TNFSF11: variants seen among roughly 807,000 people sequenced by gnomAD.
The protein encoded by TNFSF11 is tumor necrosis factor ligand superfamily member 11.
A neutral mutation model predicts 32.2 loss-of-function variants in TNFSF11; 12 were observed. That is an observed-to-expected ratio of 0.37 (90% CI 0.24 to 0.60). The LOEUF (loss-of-function observed/expected upper bound fraction) is 0.60. TNFSF11 is among the 20% of genes least tolerant of loss of function. The pLI, the probability that TNFSF11 is intolerant of heterozygous loss-of-function variation, is 0.66. For synonymous variants in TNFSF11, 172 were observed against 152.1 expected (o/e 1.13, Z -0.96); for missense variants, 345 against 398.0 (o/e 0.87, Z 1.13).
At chr13:42,603,320 G>C (rs188390586) in intron 4 of TNFSF11, among the ~76,000 whole-genome samples, 1 of 152,120 alleles carries the variant, frequency 6.6e-6, no homozygotes, top group Non-Finnish European at 1.5e-5. Flanking sequence ...CCTCTTCTGC[G>C]GTACTTAGCA....
intron 1 of TNFSF11, among the ~76,000 whole-genome samples, chr13:42,578,580 G>GA (rs1397516458): frequency 1.3e-5 from 2 of 152,150 alleles, no homozygotes; most frequent in Non-Finnish European, 2.9e-5. Context: ...TTTCTTTTGG[G>GA]AAAAAACAGT....
intron 4 of TNFSF11, among the ~76,000 whole-genome samples, chr13:42,604,758 G>C (rs930089276): frequency 2.6e-5 from 4 of 152,110 alleles, no homozygotes; most frequent in Non-Finnish European, 5.9e-5. Context: ...AAGGTAACTA[G>C]TGTGTGTTTC....
intron 1 of TNFSF11, among the ~76,000 whole-genome samples, chr13:42,575,732 C>A (rs1434916220): frequency 6.6e-6 from 1 of 152,194 alleles, no homozygotes; most frequent in African/African-American, 2.4e-5. Flanking sequence ...AGCCACACTT[C>A]AGAAAATCTG....
intron 1 of TNFSF11, among the ~76,000 whole-genome samples, chr13:42,579,474 C>T (rs1250964626): frequency 6.6e-6 from 1 of 151,508 alleles, no homozygotes; most frequent in Non-Finnish European, 1.5e-5. Context: ...GGGACTGCTG[C>T]TTCTCTTAGA....
chr13:42,565,454 A>G (rs892847515), intron 1 of TNFSF11, among the ~76,000 whole-genome samples: 18 of 152,152 alleles, frequency 1.2e-4, no homozygotes, highest in Admixed American at 3.3e-4. Context: ...TGTGGGGACA[A>G]CAATTATCTA....
At chr13:42,574,558 A>G in intron 1 of TNFSF11, 36 bp downstream of exon 1, 1 of 1,593,112 alleles carries the variant, frequency 6.3e-7, no homozygotes, top group Non-Finnish European at 8.5e-7. Context: ...CGCGGCTGAG[A>G]GCGCCCATCT....
intron 2 of TNFSF11, among the ~76,000 whole-genome samples, chr13:42,592,927 A>C (rs544987402): frequency 1.3e-5 from 2 of 152,290 alleles, no homozygotes; most frequent in African/African-American, 4.8e-5. Context: ...CCAAGACTGT[A>C]GGTTTCCTGA....
At chr13:42,564,490 C>A (rs112087887) in intron 1 of TNFSF11, among the ~76,000 whole-genome samples, 10 of 152,052 alleles carry the variant, frequency 6.6e-5, no homozygotes, top group African/African-American at 2.4e-4. Flanking sequence ...TTGCTTGAAT[C>A]CAGAAGGTGA....
At chr13:42,596,662 G>A (rs970787607) in intron 2 of TNFSF11, among the ~76,000 whole-genome samples, 5 of 152,136 alleles carry the variant, frequency 3.3e-5, no homozygotes, top group African/African-American at 1.2e-4. Context: ...GTCAAATATG[G>A]TAACAGGGAA....
chr13:42,582,192 T>C (rs1208892343), intron 2 of TNFSF11, among the ~76,000 whole-genome samples: 2 of 152,204 alleles, frequency 1.3e-5, no homozygotes, highest in African/African-American at 4.8e-5. Flanking sequence ...TCTAATGTAG[T>C]TTATTTTTTA....
chr13:42,583,564 G>C (rs1873738769), intron 2 of TNFSF11, among the ~76,000 whole-genome samples: 1 of 151,742 alleles, frequency 6.6e-6, no homozygotes, highest in Non-Finnish European at 1.5e-5. Context: ...AAAAGTGATT[G>C]ACAAAATTTT....
rs148704786 is a variant in TNFSF11, at chr13:42,582,164, C to T, written c.387+871C>T. Among the ~76,000 whole-genome samples, 827 of 152,292 alleles carry T rather than the reference C, an allele frequency of 5.4e-3. 7 individuals are homozygous for T. Among genetic ancestry groups the T allele is most frequent in the Middle Eastern group, 0.02 (6 of 294 alleles). ...AGTAACTCTTGAAGTTCTCAAAGCC[C>T]TTACCTCTAAATTTAATTCTAATGT... On this transcript the variant is annotated intron_variant, in intron 2 of 4. Transcript: ENST00000398795.
At chr13:42,601,539 C>T (rs1869175014) in intron 4 of TNFSF11, among the ~76,000 whole-genome samples, 1 of 152,278 alleles carries the variant, frequency 6.6e-6, no homozygotes, top group Non-Finnish European at 1.5e-5. Flanking sequence ...TGAAGAAACC[C>T]GGAGCTCTCT....
chr13:42,595,832 A>C (rs184603643), intron 2 of TNFSF11, among the ~76,000 whole-genome samples: 211 of 152,372 alleles, frequency 1.4e-3, no homozygotes, highest in Admixed American at 0.014. Context: ...TATTTTCCCA[A>C]AATTAGATTA....
At chr13:42,601,042 A>T in intron 4 of TNFSF11, 61 bp downstream of exon 4, 1 of 1,581,438 alleles carries the variant, frequency 6.3e-7, no homozygotes, top group South Asian at 1.1e-5. Context: ...AGCCCATTTC[A>T]ATACTGAAAC....
chr13:42,585,031 G>A (rs78597209), intron 2 of TNFSF11, among the ~76,000 whole-genome samples: 113 of 152,300 alleles, frequency 7.4e-4, no homozygotes, highest in African/African-American at 2.7e-3. Context: ...TGCACGTAAT[G>A]TGCTAGGCAC....
chr13:42,587,350 A>T (rs1355348848), intron 2 of TNFSF11, among the ~76,000 whole-genome samples: 1 of 152,174 alleles, frequency 6.6e-6, no homozygotes, highest in East Asian at 1.9e-4. Context: ...TGAGGAAGGG[A>T]GTTGCCTATA....
At chr13:42,585,671 A>T (rs1873859817) in intron 2 of TNFSF11, among the ~76,000 whole-genome samples, 1 of 152,222 alleles carries the variant, frequency 6.6e-6, no homozygotes, top group Non-Finnish European at 1.5e-5. Flanking sequence ...GGGGTGAGGA[A>T]GGAGTGAACT....
At chr13:42,578,411 C>T (rs117106967) in intron 1 of TNFSF11, among the ~76,000 whole-genome samples, 377 of 152,286 alleles carry the variant, frequency 2.5e-3, no homozygotes, top group Non-Finnish European at 4.3e-3. Context: ...TCTCCTCCTC[C>T]GTTTTCTCCT....
Sources: gnomAD v4.1 joint callset for allele counts (sites outside exome capture counted in the v4.1 genomes callset) on GRCh38, gnomAD v4.1.1 for gene constraint, MANE v1.5 for transcripts, NCBI Gene and HGNC (gene_info 2026-07-23, HGNC 2026-07-21) for gene names.